The following CYP4Z1 variants were observed in gnomAD, a reference collection of about 807,000 sequenced individuals.
CYP4Z1 encodes cytochrome P450 4Z1.
A neutral mutation model predicts 54.2 loss-of-function variants in CYP4Z1; 41 were observed. The ratio of observed to expected loss-of-function variants is 0.76; its 90% CI spans 0.59 to 0.98. The LOEUF is 0.98. Among genes scored for constraint, CYP4Z1 ranks in the 50% least tolerant of loss-of-function variants. CYP4Z1 has a pLI of 0.00. For missense variants in CYP4Z1, 513 were observed against 599.0 expected, an observed-to-expected ratio of 0.86 and a Z score of 1.50; for synonymous variants, 163 against 206.2, an observed-to-expected ratio of 0.79 and a Z score of 1.79.
chr1:47,085,788 C>T (rs1847220), intron 6 of CYP4Z1, among the ~76,000 whole-genome samples: 11,458 of 151,594 alleles, frequency 0.076, 541 homozygotes, highest in East Asian at 0.22. Context: ...TGATGTGTTG[C>T]ACCCATTAAC....
chr1:47,066,814 A>T (rs1378997637), upstream of CYP4Z1, among the ~76,000 whole-genome samples: 1 of 152,060 alleles, frequency 6.6e-6, no homozygotes, highest in Admixed American at 6.6e-5. Flanking sequence ...ATATACACAA[A>T]TAAGTAGCTC....
chr1:47,093,127 AAAG>A (rs1432954705), intron 6 of CYP4Z1, among the ~76,000 whole-genome samples: 316 of 143,334 alleles, frequency 2.2e-3, no homozygotes, highest in African/African-American at 7.7e-3. Flanking sequence ...TCCTGAGGTT[AAAG>A]AAGTTCCAGT....
chr1:47,114,220 G>T (rs1644813476), intron 9 of CYP4Z1, among the ~76,000 whole-genome samples: 1 of 152,206 alleles, frequency 6.6e-6, no homozygotes, highest in South Asian at 2.1e-4. Flanking sequence ...AATAAATGGT[G>T]CTAGGAAAGC....
intron 2 of CYP4Z1, among the ~76,000 whole-genome samples, chr1:47,076,514 T>C (rs988120069): frequency 1.3e-5 from 2 of 152,016 alleles, no homozygotes; most frequent in African/African-American, 4.8e-5. Context: ...TTTTCTAATG[T>C]CTTTTATGAT....
intron 2 of CYP4Z1, among the ~76,000 whole-genome samples, chr1:47,077,814 T>A (rs1439719829): frequency 6.6e-6 from 1 of 151,964 alleles, no homozygotes; most frequent in Non-Finnish European, 1.5e-5. Flanking sequence ...GACAAGGGTC[T>A]CACTATGTTG....
At chr1:47,085,812 T>C (rs2148530657) in intron 6 of CYP4Z1, among the ~76,000 whole-genome samples, 1 of 151,870 alleles carries the variant, frequency 6.6e-6, no homozygotes, top group South Asian at 2.1e-4. Context: ...TCATTTACCT[T>C]AGGTATATCT....
the CYP4Z1 span, among the ~76,000 whole-genome samples, chr1:47,061,679 C>CA: frequency 2.0e-5 from 3 of 152,136 alleles, no homozygotes; most frequent in African/African-American, 7.2e-5. Flanking sequence ...CTAGCTCATT[C>CA]TATAAGACCA....
intron 2 of CYP4Z1, among the ~76,000 whole-genome samples, chr1:47,077,567 A>C (rs553799208): frequency 6.6e-6 from 1 of 151,898 alleles, no homozygotes; most frequent in African/African-American, 2.4e-5. Flanking sequence ...ATTTAAAATA[A>C]TTACTGATAA....
At chr1:47,108,047 C>A (rs1189690663) in intron 9 of CYP4Z1, among the ~76,000 whole-genome samples, 9 of 152,222 alleles carry the variant, frequency 5.9e-5, no homozygotes, top group African/African-American at 2.2e-4. Context: ...GCACCTTAAT[C>A]TCCCTCAAGC....
chr1:47,063,886 A>G (rs576579554), upstream of CYP4Z1, among the ~76,000 whole-genome samples: 6 of 152,198 alleles, frequency 3.9e-5, no homozygotes, highest in South Asian at 1.2e-3. Flanking sequence ...AAGAAGCTCA[A>G]AGAACACCTG....
In CYP4Z1 at chr1:47,068,664, G is replaced by A; in HGVS notation, c.220G>A (p.Glu74Lys). The change falls in exon 2 of 12, where the codon GAA becomes AAA. Residue 74 changes from glutamate to lysine, a missense_variant. Coordinates refer to ENST00000334194, the MANE Select transcript of CYP4Z1 (RefSeq NM_178134.3). ...KEFEVYHKLMEKYPCAVPLWV... is the reference protein window; with the variant it reads ...KEFEVYHKLMKKYPCAVPLWV... ...GTTTGAGGTGTATCATAAGCTGATG[G>A]AAAAATACCCATGTGCTGTTCCCTT... 7 of 1,614,132 alleles carry A rather than the reference G, an allele frequency of 4.3e-6. No homozygotes were observed. Among genetic ancestry groups the A allele is most frequent in the Non-Finnish European group, 5.9e-6 (7 of 1,180,004 alleles).
intron 6 of CYP4Z1, among the ~76,000 whole-genome samples, chr1:47,086,053 A>G (rs949431237): frequency 1.5e-4 from 23 of 152,144 alleles, no homozygotes; most frequent in Admixed American, 1.5e-3. Context: ...ATAGTATTCC[A>G]TGGTGTATAT....
rs773593990 is a variant in CYP4Z1 at position 47,116,692 on chromosome 1, A to G, written c.1309A>G (p.Ile437Val). Residue 437 changes from isoleucine to valine, a missense_variant, in exon 11 of 12, where the codon ATA becomes GTA. By Grantham distance (29) the Ile-to-Val change is conservative. Transcript: ENST00000334194. ...LRFSRENSEK[I>V]HPYAFIPFSA... ...ATTCTCCAGGGAAAATTCTGAAAAA[A>G]TACATCCCTATGCCTTCATACCATT... is the stretch of plus-strand genomic sequence containing the variant. The G allele has an allele frequency of 6.2e-7, 1 of 1,612,332 alleles. No individual in the cohort carries two copies. Among genetic ancestry groups the G allele is most frequent in the Non-Finnish European group, 8.5e-7 (1 of 1,178,914 alleles).
chr1:47,093,827 A>G (rs984242390), intron 6 of CYP4Z1, among the ~76,000 whole-genome samples: 41 of 152,220 alleles, frequency 2.7e-4, no homozygotes, highest in Non-Finnish European at 3.4e-4. Context: ...GGAAAGCCAC[A>G]ACGTACTGCA....
At chr1:47,063,576 CACTT>C (rs1402181184), upstream of CYP4Z1, among the ~76,000 whole-genome samples, 22 of 151,872 alleles carry the variant, frequency 1.4e-4, no homozygotes. Context: ...ACTGAACACA[CACTT>C]ACAGAAATGC....
chr1:47,077,484 C>T (rs1195275538), intron 2 of CYP4Z1, among the ~76,000 whole-genome samples: 7 of 152,174 alleles, frequency 4.6e-5, no homozygotes, highest in Non-Finnish European at 1.0e-4. Flanking sequence ...TTGTAAGCAG[C>T]ATATTAATGG....
At position 47,069,161 on chromosome 1, in the gene CYP4Z1, T is replaced by TA. The variant is rs146892884; in HGVS notation, c.319+400dup. Among the ~76,000 whole-genome samples the TA allele has an allele frequency of 2.1e-3, 319 of 152,368 alleles. 2 individuals are homozygous for TA. Among genetic ancestry groups the TA allele is most frequent in the East Asian group, 0.013 (67 of 5,184 alleles). On this transcript the variant is annotated intron_variant, in intron 2 of 11. Transcript: ENST00000334194. ...TGTTCCCCATAGATGCTTTGCCCACTAATGTTGCCTGTCCTCTGGGAATGG... is the reference window on the plus strand; with the variant it reads ...TGTTCCCCATAGATGCTTTGCCCACTAAATGTTGCCTGTCCTCTGGGAATGG...
chr1:47,109,326 G>T (rs1433118078), intron 9 of CYP4Z1, among the ~76,000 whole-genome samples: 1 of 152,122 alleles, frequency 6.6e-6, no homozygotes, highest in African/African-American at 2.4e-5. Flanking sequence ...TGAGAGGGTG[G>T]CTGCAGAAAG....
At chr1:47,114,319 T>A (rs932740538) in intron 9 of CYP4Z1, among the ~76,000 whole-genome samples, 75 of 152,244 alleles carry the variant, frequency 4.9e-4, no homozygotes, top group Non-Finnish European at 3.2e-4. Flanking sequence ...GACTTAAATG[T>A]TAGACCTAAA....
Sources: gnomAD v4.1 joint callset for allele counts (sites outside exome capture counted in the v4.1 genomes callset) on GRCh38, gnomAD v4.1.1 for gene constraint, MANE v1.5 for transcripts, NCBI Gene and HGNC (gene_info 2026-07-23, HGNC 2026-07-21) for gene names.